The following XDH variants were observed in gnomAD, a reference collection of about 807,000 sequenced individuals.
XDH encodes the protein xanthine dehydrogenase.
In XDH, 138 loss-of-function variants were observed where a neutral mutation model predicts 156.1. The observed-to-expected ratio is 0.88, with a 90% CI of 0.77 to 1.02. The LOEUF (loss-of-function observed/expected upper bound fraction) is 1.02. Ranked by LOEUF, XDH falls within the 50% of genes least tolerant of loss-of-function variation. The probability of loss-of-function intolerance (pLI) is 0.00; values close to 1 mark genes in which losing one functional copy is unlikely to be tolerated. For synonymous variants in XDH, 669 were observed against 625.7 expected (o/e 1.07, Z -1.03); for missense variants, 1,849 against 1,684.9 (o/e 1.10, Z -1.71).
intron 34 of XDH, among the ~76,000 whole-genome samples, chr2:31,338,713 T>TC (rs1685039264): frequency 8.9e-6 from 1 of 111,830 alleles, no homozygotes; most frequent in Non-Finnish European, 1.8e-5. Flanking sequence ...TCTGACCAAG[T>TC]CTTTTTTTTT....
intron 31 of XDH, among the ~76,000 whole-genome samples, 172 bp downstream of exon 31, chr2:31,344,512 C>T (rs1395343049): frequency 2.0e-5 from 3 of 152,200 alleles, no homozygotes; most frequent in African/African-American, 7.2e-5. Flanking sequence ...ACAGTGTGGC[C>T]ATTCCACATA....
intron 24 of XDH, among the ~76,000 whole-genome samples, chr2:31,358,703 A>C (rs1474619192): frequency 6.6e-6 from 1 of 152,186 alleles, no homozygotes; most frequent in Non-Finnish European, 1.5e-5. Flanking sequence ...GACAAAATTC[A>C]ACACCCATTC....
At position 31,350,108 on chromosome 2, in the gene XDH, C is replaced by G. The variant is rs1009900673; in HGVS notation, c.2747G>C (p.Gly916Ala). ...LPSNTAFRGF[G>A]GPQGMLIAEC... ...GGCAATGAGCATCCCCTGGGGCCCC[C>G]CAAAGCCCCGGAAGGCCGTGTTGGA... is the stretch of plus-strand genomic sequence containing the variant. The change falls in exon 25 of 36, where the codon GGG (glycine) becomes GCG (alanine). Residue 916 changes from glycine (G) to alanine (A), a missense_variant. Transcript: ENST00000379416. 1.2e-6 allele frequency: 2 copies of G among 1,614,240 alleles called. No homozygotes were observed. The highest frequency in any genetic ancestry group is 1.1e-5 in the South Asian group (1 of 91,090).
chr2:31,403,179 G>C lies in XDH; in HGVS notation c.101-35C>G, dbSNP rs1346644. The C allele has an allele frequency of 0.14, 230,254 of 1,609,170 alleles. 17,428 individuals carry two copies. The highest frequency in any genetic ancestry group is 0.16 in the South Asian group (14,376 of 91,006). On this transcript the variant is annotated intron_variant, in intron 2 of 35. Coordinates refer to ENST00000379416, the MANE Select transcript of XDH (RefSeq NM_000379.4). ...CAAGAGTTAAGGAGAATGAACTCAG[G>C]GAGAGGAGTCTGCTGGGTTGCTAGG...
In XDH at chr2:31,387,862, C is replaced by G; in HGVS notation, c.600G>C (p.Glu200Asp). Residue 200 changes from glutamate to aspartate, a missense_variant, in exon 8 of 36, where the codon GAG (glutamate) becomes GAC (aspartate). Transcript: ENST00000379416. ...SLSPSLFKPE[E>D]FTPLDPTQEP... ...CCTGGGTTGGATCCAGGGGCGTGAA[C>G]TCCTCTGGTTTGAATAAAGATGGCG... 1.9e-6 allele frequency: 3 copies of G among 1,588,286 alleles called. No homozygotes were observed. The highest frequency in any genetic ancestry group is 2.6e-6 in the Non-Finnish European group (3 of 1,167,766).
chr2:31,369,931 G>T (rs866326386), intron 18 of XDH, among the ~76,000 whole-genome samples: 2 of 152,188 alleles, frequency 1.3e-5, no homozygotes, highest in Admixed American at 6.5e-5. Context: ...TTTGTTTGTT[G>T]TTGAAGAATT....
Position 31,349,675 on chromosome 2 carries a change from C to G in XDH, c.2969+11G>C. The G allele has an allele frequency of 1.2e-6, 2 of 1,613,940 alleles. No individual in the cohort carries two copies. The highest frequency in any genetic ancestry group is 1.1e-5 in the South Asian group (1 of 91,080). ...CAGAAGAGCAACTGGACTTCTACTC[C>G]TAGTGCTTACTTGTTGAACTTGTCA... On this transcript the variant is annotated intron_variant, in intron 26 of 35. Coordinates refer to ENST00000379416, the MANE Select transcript of XDH (RefSeq NM_000379.4).
At chr2:31,348,059 T>C (rs1195805012) in intron 28 of XDH, among the ~76,000 whole-genome samples, 1 of 152,166 alleles carries the variant, frequency 6.6e-6, no homozygotes, top group East Asian at 1.9e-4. Flanking sequence ...AATAGCAATG[T>C]CCTCAGAGGT....
chr2:31,359,959 G>T (rs763016612), intron 24 of XDH, among the ~76,000 whole-genome samples: 10 of 152,188 alleles, frequency 6.6e-5, no homozygotes, highest in Non-Finnish European at 1.5e-4. Flanking sequence ...AGAGAAAATG[G>T]TAAGTGGAAA....
intron 24 of XDH, among the ~76,000 whole-genome samples, chr2:31,353,828 A>T (rs1195024160): frequency 6.6e-6 from 1 of 152,180 alleles, no homozygotes; most frequent in African/African-American, 2.4e-5. Flanking sequence ...TTCCACATTC[A>T]TGAGGCTGTT....
At chr2:31,360,281 C>G (rs1018566124) in intron 24 of XDH, among the ~76,000 whole-genome samples, 2 of 152,074 alleles carry the variant, frequency 1.3e-5, no homozygotes, top group African/African-American at 4.8e-5. Flanking sequence ...GTGGATCACC[C>G]GAGGTCAGAA....
intron 32 of XDH, among the ~76,000 whole-genome samples, 176 bp downstream of exon 32, chr2:31,342,007 T>C (rs1340292019): frequency 6.6e-6 from 1 of 152,204 alleles, no homozygotes; most frequent in Non-Finnish European, 1.5e-5. Context: ...AGAGACTGTA[T>C]GGCCCACGAA....
At chr2:31,367,105 C>G (rs1685935554) in intron 20 of XDH, 111 bp from the exon 21 acceptor site, 4 of 1,573,306 alleles carry the variant, frequency 2.5e-6, no homozygotes, top group Admixed American at 3.6e-5. Context: ...GCAATGGCTA[C>G]CTGAGGGGTA....
intron 1 of XDH, among the ~76,000 whole-genome samples, chr2:31,407,350 G>A (rs1687220794): frequency 6.6e-6 from 1 of 152,204 alleles, no homozygotes; most frequent in Non-Finnish European, 1.5e-5. Context: ...GTAGAGCAGA[G>A]GATGTGGAAG....
At chr2:31,368,702 A>G (rs1685990374) in intron 18 of XDH, 42 bp from the exon 19 acceptor site, 2 of 1,614,006 alleles carry the variant, frequency 1.2e-6, no homozygotes, top group Non-Finnish European at 8.5e-7. Context: ...AACCAGGCTC[A>G]TGGTGAAACA....
intron 6 of XDH, among the ~76,000 whole-genome samples, chr2:31,395,267 T>C (rs1024081807): frequency 1.3e-5 from 2 of 151,894 alleles, no homozygotes; most frequent in African/African-American, 2.4e-5. Context: ...CTTCTCAGGG[T>C]TTTTTTTCTC....
At chr2:31,401,082 G>A in intron 4 of XDH, 138 bp downstream of exon 4, 1 of 936,318 alleles carries the variant, frequency 1.1e-6, no homozygotes, top group Non-Finnish European at 1.7e-6. Context: ...TGGGGAGGTG[G>A]CCAGGGTGAA....
intron 19 of XDH, 29 bp downstream of exon 19, chr2:31,368,512 C>T (rs1377469038): frequency 6.2e-7 from 1 of 1,613,630 alleles, no homozygotes; most frequent in African/African-American, 1.3e-5. Flanking sequence ...GAGCTCACTC[C>T]TCTACACAGG....
At position 31,349,739 on chromosome 2, in the gene XDH, G is replaced by A. The variant is rs1466139009; in HGVS notation, c.2916C>T (p.Cys972=). The A allele has an allele frequency of 1.1e-5, 17 of 1,614,142 alleles. No homozygotes were observed. Among genetic ancestry groups the A allele is most frequent in the Non-Finnish European group, 1.4e-5 (17 of 1,180,030 alleles). The change falls in exon 26 of 36, where the codon TGC becomes TGT. Residue 972 remains cysteine, a synonymous_variant. Transcript: ENST00000379416. Reference sequence around the variant, plus strand: ...GAGCATGATACTGAGAGCTTGCTAGGCATTCTTCCCAGCATCTGGGCAAGG... The same window carrying A: ...GAGCATGATACTGAGAGCTTGCTAGACATTCTTCCCAGCATCTGGGCAAGG... ...GFTLPRCWEE[C]LASSQYHARK...
Sources: allele counts gnomAD v4.1 joint callset (sites outside exome capture counted in the v4.1 genomes callset), GRCh38; gene constraint gnomAD v4.1.1; transcripts MANE v1.5; gene names NCBI Gene and HGNC (gene_info 2026-07-23, HGNC 2026-07-21).